The following M6PR variants were observed in gnomAD, a reference collection of about 807,000 sequenced individuals.
The protein encoded by M6PR is mannose-6-phosphate receptor, cation dependent.
A neutral mutation model predicts 33.1 loss-of-function variants in M6PR; 19 were observed. The ratio of observed to expected loss-of-function variants is 0.57; its 90% CI spans 0.40 to 0.84. The LOEUF (loss-of-function observed/expected upper bound fraction) is 0.84. Among genes scored for constraint, M6PR ranks in the 40% least tolerant of loss-of-function variants. M6PR has a pLI of 0.00. For missense variants in M6PR, 295 were observed against 336.0 expected, an observed-to-expected ratio of 0.88 and a Z score of 0.95; for synonymous variants, 111 against 123.4, an observed-to-expected ratio of 0.90 and a Z score of 0.67.
chr12:8,942,270 CA>C, intron 6 of M6PR, 145 bp downstream of exon 6: 1 of 1,067,850 alleles, frequency 9.4e-7, no homozygotes, highest in Non-Finnish European at 1.4e-6. Context: ...TGTACTAGGG[CA>C]ACTGTCTTGT....
chr12:8,945,466 T>C lies in M6PR; in HGVS notation c.295A>G (p.Lys99Glu). 6.2e-7 allele frequency: 1 copy of C among 1,614,120 alleles called. No homozygotes were observed. The highest frequency in any genetic ancestry group is 8.5e-7 in the Non-Finnish European group (1 of 1,180,010). ...TTGAGTCTCCCTACCACTGTCTCCT[T>C]CCCATTACTTTTGTTGATTTGCACC... The part of the protein sequence containing the change: ...GLVQINKSNG[K>E]ETVVGRLNET... The change falls in exon 3 of 7, where the codon AAG becomes GAG. Residue 99 changes from lysine (K) to glutamate (E), a missense_variant. By Grantham distance (56) the Lys-to-Glu change is moderately conservative. Coordinates refer to ENST00000000412, the MANE Select transcript of M6PR (RefSeq NM_002355.4).
Position 8,941,627 on chromosome 12 carries a change from G to GA in M6PR, c.*190dup, listed in dbSNP as rs1946009993. ...TGACTTACAACTGTACCTCTCTAGAGAAAAAACAGAAAATAAGGAACAAAG... is the reference window on the plus strand; with the variant it reads ...TGACTTACAACTGTACCTCTCTAGAGAAAAAAACAGAAAATAAGGAACAAAG... On this transcript the variant is annotated 3_prime_UTR_variant, in exon 7 of 7. Transcript: ENST00000000412. 3.1e-6 allele frequency: 2 copies of GA among 638,850 alleles called. No individual in the cohort carries two copies. The highest frequency in any genetic ancestry group is 5.3e-6 in the Non-Finnish European group (2 of 376,210). 39.6% of individuals were successfully genotyped at this position (638,850 alleles called of 1,614,324 possible). A position where few individuals can be genotyped will look rare whatever the true frequency, so the allele number is the denominator to read the frequency against.
chr12:8,942,084 A>C (rs759176990), intron 6 of M6PR, 144 bp from the exon 7 acceptor site: 6 of 962,072 alleles, frequency 6.2e-6, no homozygotes, highest in Non-Finnish European at 9.1e-6. Flanking sequence ...CAATCAGCCT[A>C]AATTCAATTT....
At chr12:8,943,239 C>G in intron 5 of M6PR, 166 bp downstream of exon 5, 1 of 877,628 alleles carries the variant, frequency 1.1e-6, no homozygotes, top group Non-Finnish European at 1.7e-6. Context: ...GGCGTGAGCC[C>G]TGTGTCCTGG....
At chr12:8,948,967 C>G (rs890871619) in intron 1 of M6PR, among the ~76,000 whole-genome samples, 2 of 152,228 alleles carry the variant, frequency 1.3e-5, no homozygotes, top group Non-Finnish European at 2.9e-5. Flanking sequence ...AGACAAGTAG[C>G]GGCTATGTCC....
intron 3 of M6PR, among the ~76,000 whole-genome samples, chr12:8,944,746 T>C (rs1946070940): frequency 6.6e-6 from 1 of 152,206 alleles, no homozygotes; most frequent in Non-Finnish European, 1.5e-5. Flanking sequence ...GCTCTTAAAA[T>C]TTAACTGGTA....
chr12:8,942,200 G>T, intron 6 of M6PR: 1 of 690,292 alleles, frequency 1.4e-6, no homozygotes, highest in Non-Finnish European at 2.4e-6. Context: ...GGTCAACAGT[G>T]TTGCTCTTTC....
Position 8,941,545 on chromosome 12 carries a change from T to C in M6PR, c.*273A>G. The C allele has an allele frequency of 3.1e-6, 1 of 318,456 alleles. No individual in the cohort carries two copies. Among genetic ancestry groups the C allele is most frequent in the Admixed American group, 4.5e-5 (1 of 22,066 alleles). The allele number at this position is 318,456 out of a possible 1,614,324, so 19.7% of individuals were successfully genotyped here. A position where few individuals can be genotyped will look rare whatever the true frequency, so the allele number is the denominator to read the frequency against. ...TTGCCCATATGCCTATTGTAACTTC[T>C]GATGTCAAGAGACAATGCAAAAGCC... On this transcript the variant is annotated 3_prime_UTR_variant, in exon 7 of 7. Transcript: ENST00000000412.
intron 1 of M6PR, among the ~76,000 whole-genome samples, chr12:8,947,476 T>C (rs1946112420): frequency 6.6e-6 from 1 of 152,148 alleles, no homozygotes; most frequent in Non-Finnish European, 1.5e-5. Context: ...ATCAATTCTC[T>C]ACTGTAATAT....
intron 1 of M6PR, among the ~76,000 whole-genome samples, chr12:8,947,426 A>G (rs1946111501): frequency 2.0e-5 from 3 of 152,070 alleles, no homozygotes; most frequent in Non-Finnish European, 2.9e-5. Context: ...AAAGCAAAAA[A>G]TCCCGGGAAA....
rs775862469 is a variant in M6PR, at chr12:8,942,418, C to T, written c.709G>A (p.Ala237Thr). The T allele has an allele frequency of 1.2e-6, 2 of 1,614,084 alleles. No homozygotes were observed. The highest frequency in any genetic ancestry group is 2.7e-5 in the African/African-American group (2 of 74,934). Residue 237 changes from alanine to threonine, a missense_variant and splice_region_variant, in exon 6 of 7, where the codon GCA becomes ACA. Physicochemically the swap from Ala to Thr is moderately conservative, Grantham distance 58. Coordinates refer to ENST00000000412, the MANE Select transcript of M6PR (RefSeq NM_002355.4). ...CAACCAGCTGCCCTGTTACTTACTG[C>T]TACCAGGTTGCCAAGATCCTGCCAG... ...AFWQDLGNLV[A>T]DGCDFVCRSK...
In M6PR at chr12:8,943,847, T is replaced by C. The variant is rs1391818870; in HGVS notation, c.407A>G (p.Gln136Arg). The change falls in exon 4 of 7, where the codon CAG becomes CGG. Residue 136 changes from glutamine to arginine, a missense_variant. Coordinates refer to ENST00000000412, the MANE Select transcript of M6PR (RefSeq NM_002355.4). Reference protein sequence around the residue: ...DEYDNHCGKEQRRAVVMISCN... With the variant: ...DEYDNHCGKERRRAVVMISCN... ...GGAGATCATCACCACTGCACGACGC[T>C]GCTCCTTGCCACAGTGGTTGTCATA... The C allele has an allele frequency of 1.9e-6, 3 of 1,613,668 alleles. No homozygotes were observed. The highest frequency in any genetic ancestry group is 2.5e-6 in the Non-Finnish European group (3 of 1,180,042).
chr12:8,943,254 ATTATT>A (rs1419021602), intron 5 of M6PR, 146 bp downstream of exon 5: 6 of 1,000,330 alleles, frequency 6.0e-6, no homozygotes, highest in Non-Finnish European at 8.6e-6. Context: ...TCCTGGCAGA[ATTATT>A]TTATAGCCAG....
intron 1 of M6PR, among the ~76,000 whole-genome samples, chr12:8,947,408 A>T (rs964260931): frequency 6.6e-6 from 1 of 151,898 alleles, no homozygotes; most frequent in African/African-American, 2.4e-5. Flanking sequence ...CACTTCCCAC[A>T]CCCCACTAAA....
chr12:8,945,162 CA>C lies in M6PR; in HGVS notation c.343+255del, dbSNP rs1395156928. ...GACAGAGAGAGACTCCGTCTCAAAA[CA>C]AAACAAAACAATTCTGGCTAGAGTC... On this transcript the variant is annotated intron_variant, in intron 3 of 6. Transcript: ENST00000000412. 1.4e-5 allele frequency: 5 copies of C among 360,784 alleles called. No individual in the cohort carries two copies. In the Admixed American group the frequency reaches 2.2e-4, roughly 16 times the overall value. The allele number at this position is 360,784 out of a possible 1,614,324, so 22.3% of individuals were successfully genotyped here.
At chr12:8,948,497 C>CT (rs1565531389) in intron 1 of M6PR, among the ~76,000 whole-genome samples, 1 of 152,120 alleles carries the variant, frequency 6.6e-6, no homozygotes, top group Admixed American at 6.5e-5. Context: ...AACTTATAAA[C>CT]ATAGGGGTGC....
At chr12:8,945,891 TC>T (rs1038505985) in intron 2 of M6PR, among the ~76,000 whole-genome samples, 3 of 152,222 alleles carry the variant, frequency 2.0e-5, no homozygotes, top group African/African-American at 7.2e-5. Flanking sequence ...TCGGATAGTC[TC>T]GTTTCTTAGG....
chr12:8,942,678 T>C (rs1946035080), intron 5 of M6PR, 136 bp from the exon 6 acceptor site: 2 of 897,434 alleles, frequency 2.2e-6, no homozygotes, highest in Non-Finnish European at 3.3e-6. Context: ...TGATACTAAA[T>C]GAAAAAGGGG....
intron 2 of M6PR, among the ~76,000 whole-genome samples, chr12:8,945,966 A>G (rs1487911082): frequency 6.6e-6 from 1 of 152,202 alleles, no homozygotes; most frequent in Non-Finnish European, 1.5e-5. Flanking sequence ...GTCGGCCTAA[A>G]TATGTTTATC....
Sources: allele counts gnomAD v4.1 joint callset (sites outside exome capture counted in the v4.1 genomes callset), GRCh38; gene constraint gnomAD v4.1.1; transcripts MANE v1.5; gene names NCBI Gene and HGNC (gene_info 2026-07-23, HGNC 2026-07-21).